GGT5: variants seen among roughly 807,000 people sequenced by gnomAD.
GGT5 encodes glutathione hydrolase 5 proenzyme.
GGT5 carries 50 observed loss-of-function variants against 58.1 expected under a neutral mutation model. The observed-to-expected ratio is 0.86, with a 90% CI of 0.69 to 1.09. The LOEUF is 1.09. Among genes scored for constraint, GGT5 ranks in the 50% least tolerant of loss-of-function variants. The pLI is 0.00. For missense variants in GGT5, 800 were observed against 789.4 expected, an observed-to-expected ratio of 1.01 and a Z score of -0.16; for synonymous variants, 370 against 346.1, an observed-to-expected ratio of 1.07 and a Z score of -0.77.
At chr22:24,223,019 G>A (rs2047645868) in intron 11 of GGT5, among the ~76,000 whole-genome samples, 1 of 152,072 alleles carries the variant, frequency 6.6e-6, no homozygotes, top group South Asian at 2.1e-4. Context: ...GAACTCGGGA[G>A]GCAGAGCTTG....
rs780418274 is a variant in GGT5 at position 24,226,090 on chromosome 22, G to T, written c.1215C>A (p.Ser405Arg). Residue 405 changes from serine (S) to arginine (R), a missense_variant, in exon 8 of 12, where the codon AGC (serine) becomes AGA (arginine). Physicochemically the swap from Ser to Arg is moderately radical, Grantham distance 110. Transcript: ENST00000327365. ...GEDGSAVAAT[S>R]TINTPFGAMV... is the part of the protein sequence containing the mutation. ...GCCCTACGCACGGTGTGTTGATGGTGCTGGTGGCAGCCACGGCGCTGCCAT... is the reference window on the plus strand; with the variant it reads ...GCCCTACGCACGGTGTGTTGATGGTTCTGGTGGCAGCCACGGCGCTGCCAT... 24 of 1,600,938 alleles carry T rather than the reference G, an allele frequency of 1.5e-5. No individual in the cohort carries two copies. The highest frequency in any genetic ancestry group is 2.0e-5 in the Non-Finnish European group (24 of 1,173,114).
rs543358567 is a variant in GGT5 at position 24,229,535 on chromosome 22, G to T, written c.901+1849C>A. Among the ~76,000 whole-genome samples the T allele has an allele frequency of 2.2e-3, 337 of 151,842 alleles. 4 individuals carry two copies. Among genetic ancestry groups the T allele is most frequent in the Non-Finnish European group, 5.4e-4 (37 of 67,926 alleles). ...GTGTGATGGGTGCATCAAGATCTCAGAAATCACCACTAAAGACCAGATGCG... is the reference window on the plus strand; with the variant it reads ...GTGTGATGGGTGCATCAAGATCTCATAAATCACCACTAAAGACCAGATGCG... On this transcript the variant is annotated intron_variant, in intron 6 of 11. Transcript: ENST00000327365.
chr22:24,220,740 T>C (rs2047565549), intron 11 of GGT5: 1 of 448,854 alleles, frequency 2.2e-6, no homozygotes, highest in Non-Finnish European at 4.5e-6. Context: ...TAAAAGAAAA[T>C]CAAAAATTGG....
chr22:24,231,393 C>A lies in GGT5; in HGVS notation c.892G>T (p.Val298Leu), dbSNP rs1318930454. ...GGAILSFILN[V>L]LRGFNFSTES... Reference sequence around the variant, plus strand: ...TGGGCAGGGGCTTTACCTCTTAGCACGTTGAGGATAAAGCTGAGAATGGCA... The same window carrying A: ...TGGGCAGGGGCTTTACCTCTTAGCAAGTTGAGGATAAAGCTGAGAATGGCA... Residue 298 changes from valine (V) to leucine (L), a missense_variant, in exon 6 of 12, where the codon GTG becomes TTG. Coordinates refer to ENST00000327365, the MANE Select transcript of GGT5 (RefSeq NM_004121.5). The A allele has an allele frequency of 6.5e-7, 1 of 1,548,786 alleles. No homozygotes were observed. The highest frequency in any genetic ancestry group is 1.4e-5 in the African/African-American group (1 of 73,066).
chr22:24,228,105 G>A (rs1423330953), intron 6 of GGT5, among the ~76,000 whole-genome samples: 2 of 148,008 alleles, frequency 1.4e-5, no homozygotes, highest in Non-Finnish European at 3.0e-5. Context: ...ATAGAGCCAG[G>A]GAAAGGCCAT....
Position 24,225,049 on chromosome 22 carries a change from T to G in GGT5, c.1561A>C (p.Ile521Leu), listed in dbSNP as rs1601377895. ...CAGCCCTTGCTGTTGACATGCAGGA[T>G]GGGGGCTGCAATGGCCGCTCTCAGG... ...FDLRAAIAAP[I>L]LHVNSKGCVE... Residue 521 changes from isoleucine (I) to leucine (L), a missense_variant, in exon 11 of 12, where the codon ATC becomes CTC. Coordinates refer to ENST00000327365, the MANE Select transcript of GGT5 (RefSeq NM_004121.5). 6.2e-7 allele frequency: 1 copy of G among 1,601,902 alleles called. No individual in the cohort carries two copies. The highest frequency in any genetic ancestry group is 8.5e-7 in the Non-Finnish European group (1 of 1,174,238).
intron 1 of GGT5, among the ~76,000 whole-genome samples, chr22:24,237,631 A>T (rs897001769): frequency 2.6e-5 from 4 of 151,382 alleles, no homozygotes; most frequent in Admixed American, 6.6e-5. Context: ...CTGGTCTTGT[A>T]CTCCTGACCT....
chr22:24,228,068 A>AC lies in GGT5; in HGVS notation c.902-1302_902-1301insG, dbSNP rs1300894855. On this transcript the variant is annotated intron_variant, in intron 6 of 11. Transcript: ENST00000327365. ...TGTCTCAAAAAAAAAAAAAAAAAAC[A>AC]AAACAAAAAAAAAAAAACTCTGAAA... Among the ~76,000 whole-genome samples the AC allele has an allele frequency of 8.2e-5, 6 of 73,602 alleles. 1 individual carries two copies. Among genetic ancestry groups the AC allele is most frequent in the South Asian group, 3.6e-4 (1 of 2,760 alleles). The allele number at this position is 73,602 out of a possible 152,430, so 48.3% of individuals were successfully genotyped here.
Position 24,232,219 on chromosome 22 carries a change from G to A in GGT5, c.597-11C>T. 6.9e-7 allele frequency: 1 copy of A among 1,447,068 alleles called. No individual in the cohort carries two copies. The highest frequency in any genetic ancestry group is 9.3e-7 in the Non-Finnish European group (1 of 1,075,636). 89.6% of individuals were successfully genotyped at this position (1,447,068 alleles called of 1,614,324 possible). On this transcript the variant is annotated splice_polypyrimidine_tract_variant and intron_variant, in intron 4 of 11. Coordinates refer to ENST00000327365, the MANE Select transcript of GGT5 (RefSeq NM_004121.5). The stretch of plus-strand genomic sequence containing the variant: ...TTGAAGAAGAGCTGGCTGGGGGGTG[G>A]GGGGAGCCTCAGGGTGGGGCCAGGT...
chr22:24,231,089 G>A (rs2047923053), intron 6 of GGT5, among the ~76,000 whole-genome samples: 1 of 152,052 alleles, frequency 6.6e-6, no homozygotes, highest in Non-Finnish European at 1.5e-5. Context: ...CACCCACACA[G>A]CCCACCTGCT....
rs147361951 is a variant in GGT5 at position 24,244,491 on chromosome 22, C to T, written c.173+62G>A. On this transcript the variant is annotated intron_variant, in intron 1 of 11. Coordinates refer to ENST00000327365, the MANE Select transcript of GGT5 (RefSeq NM_004121.5). ...TCACTCACACACACACACACACACACGCCTTCTCCAGGAGGGGCTGGCTGC... is the reference window on the plus strand; with the variant it reads ...TCACTCACACACACACACACACACATGCCTTCTCCAGGAGGGGCTGGCTGC... 670 of 1,386,778 alleles carry T rather than the reference C, an allele frequency of 4.8e-4. 1 individual carries two copies. The highest frequency in any genetic ancestry group is 2.3e-3 in the South Asian group (185 of 82,060). 85.9% of individuals were successfully genotyped at this position (1,386,778 alleles called of 1,614,324 possible). A position where few individuals can be genotyped will look rare whatever the true frequency, so the allele number is the denominator to read the frequency against.
intron 6 of GGT5, among the ~76,000 whole-genome samples, chr22:24,229,827 G>A (rs1004866206): frequency 8.0e-5 from 12 of 150,782 alleles, no homozygotes; most frequent in Non-Finnish European, 1.5e-4. Flanking sequence ...CTCCAGCCTG[G>A]GCCACAGAGT....
chr22:24,234,036 C>T lies in GGT5; in HGVS notation c.174-32G>A. 2.5e-6 allele frequency: 4 copies of T among 1,573,634 alleles called. No individual in the cohort carries two copies. The Admixed American group carries it at 5.6e-5, about 22-fold the overall frequency. On this transcript the variant is annotated intron_variant, in intron 1 of 11. Transcript: ENST00000327365. Reference sequence around the variant, plus strand: ...GACATGGCACAGAGTCGCTGTGGGGCTCCCCTCCCCCTGCCTCCCCACCAG... The same window carrying T: ...GACATGGCACAGAGTCGCTGTGGGGTTCCCCTCCCCCTGCCTCCCCACCAG...
intron 1 of GGT5, among the ~76,000 whole-genome samples, chr22:24,236,247 G>T (rs534977120): frequency 6.6e-6 from 1 of 152,218 alleles, no homozygotes; most frequent in Non-Finnish European, 1.5e-5. Context: ...CTTAGAAATT[G>T]ACACAACCAC....
Position 24,231,496 on chromosome 22 carries a change from G to A in GGT5, c.789C>T (p.Phe263=), listed in dbSNP as rs2148912427. The stretch of plus-strand genomic sequence containing the variant: ...CCAGGGCATCCACCACCTCGGGCTG[G>A]AACTTGGCCAGGTCCTGCAGCGTCA... ...SQLTLQDLAK[F]QPEVVDALEV... Residue 263 remains phenylalanine (F), a synonymous_variant, in exon 6 of 12, where the codon TTC becomes TTT. Coordinates refer to ENST00000327365, the MANE Select transcript of GGT5 (RefSeq NM_004121.5). 1 of 1,587,494 alleles carries A rather than the reference G, an allele frequency of 6.3e-7. No individual in the cohort carries two copies. The highest frequency in any genetic ancestry group is 1.3e-5 in the African/African-American group (1 of 74,414).
rs116976546 is a variant in GGT5 at position 24,233,944 on chromosome 22, G to A, written c.234C>T (p.Thr78=). The A allele has an allele frequency of 0.045, 71,934 of 1,613,260 alleles. 1,896 individuals carry two copies. The highest frequency in any genetic ancestry group is 0.052 in the Non-Finnish European group (61,650 of 1,179,272). ...VDATIAALVC[T]SVVNPQSMGL... ...CCATGCTCTGAGGGTTGACGACGCT[G>A]GTGCAGACCAGAGCCGCGATGGTGG... The change falls in exon 2 of 12, where the codon ACC becomes ACT. Residue 78 remains threonine (T), a synonymous_variant. Coordinates refer to ENST00000327365, the MANE Select transcript of GGT5 (RefSeq NM_004121.5).
chr22:24,222,723 G>A (rs545273332), intron 11 of GGT5, among the ~76,000 whole-genome samples: 3 of 152,228 alleles, frequency 2.0e-5, no homozygotes, highest in East Asian at 1.9e-4. Flanking sequence ...AGCATTTCAC[G>A]TCCCCAGGGT....
chr22:24,237,076 G>T (rs574339681), intron 1 of GGT5, among the ~76,000 whole-genome samples: 10 of 140,930 alleles, frequency 7.1e-5, no homozygotes, highest in Admixed American at 4.6e-4. Flanking sequence ...GGCAAAAACC[G>T]CAATTACTTT....
In GGT5 at chr22:24,233,518, T is replaced by C. The variant is rs2048011076; in HGVS notation, c.380A>G (p.Gln127Arg). The change falls in exon 3 of 12, where the codon CAG (glutamine) becomes CGG (arginine). Residue 127 changes from glutamine to arginine, a missense_variant. By Grantham distance (43) the Gln-to-Arg change is conservative (BLOSUM62 1). Transcript: ENST00000327365. ...GTCACCTGTGCCCAGTGGCAGAGCC[T>C]GTGCACACTGGTCCAGCAGGCTCGG... ...HAPSLLDQCA[Q>R]ALPLGTGAQW... is the part of the protein sequence containing the mutation. The C allele has an allele frequency of 6.2e-7, 1 of 1,605,870 alleles. No homozygotes were observed. The highest frequency in any genetic ancestry group is 8.5e-7 in the Non-Finnish European group (1 of 1,176,586).
Sources: allele counts gnomAD v4.1 joint callset (sites outside exome capture counted in the v4.1 genomes callset), GRCh38; gene constraint gnomAD v4.1.1; transcripts MANE v1.5; gene names NCBI Gene and HGNC (gene_info 2026-07-23, HGNC 2026-07-21).